Variants in CACNA2D3 observed in about 807,000 individuals in gnomAD.
CACNA2D3 encodes calcium voltage-gated channel auxiliary subunit alpha2delta 3.
Under a neutral mutation model 160.6 loss-of-function variants are expected in CACNA2D3, and 60 were observed. The ratio of observed to expected loss-of-function variants is 0.37; its 90% CI spans 0.30 to 0.46. The LOEUF (loss-of-function observed/expected upper bound fraction) is 0.46. Among genes scored for constraint, CACNA2D3 ranks in the 20% least tolerant of loss-of-function variants. CACNA2D3 has a pLI of 1.00. For missense variants in CACNA2D3, 1,205 were observed against 1,365.0 expected (o/e 0.88, Z 1.85); for synonymous variants, 558 against 492.9 (o/e 1.13, Z -1.75).
At chr3:54,894,932 C>T (rs1700154607) in intron 25 of CACNA2D3, among the ~76,000 whole-genome samples, 3 of 151,492 alleles carry the variant, frequency 2.0e-5, no homozygotes, top group South Asian at 4.2e-4. Context: ...TGCACTTTCT[C>T]AGTCTTGCAC....
intron 35 of CACNA2D3, among the ~76,000 whole-genome samples, chr3:55,043,510 C>G (rs115938683): frequency 8.6e-5 from 13 of 151,724 alleles, no homozygotes; most frequent in African/African-American, 2.4e-4. Context: ...ACTTTGTTTT[C>G]TTTTTATTGA....
At chr3:54,303,891 C>T (rs1264783568) in intron 2 of CACNA2D3, among the ~76,000 whole-genome samples, 1 of 139,294 alleles carries the variant, frequency 7.2e-6, no homozygotes, top group African/African-American at 2.7e-5. Flanking sequence ...GCTGCAAGAA[C>T]CTCTCCATGG....
intron 3 of CACNA2D3, among the ~76,000 whole-genome samples, chr3:54,328,984 G>T (rs1247397494): frequency 3.3e-5 from 5 of 152,166 alleles, no homozygotes; most frequent in Non-Finnish European, 7.4e-5. Context: ...GTGGGAGAAA[G>T]TCAGTAGTTG....
intron 6 of CACNA2D3, among the ~76,000 whole-genome samples, chr3:54,566,381 T>A (rs552817979): frequency 1.3e-5 from 2 of 152,350 alleles, no homozygotes; most frequent in East Asian, 3.9e-4. Context: ...AGGCAGAGGA[T>A]CAAAGGGCTG....
At chr3:54,549,651 C>T (rs1702123769) in intron 5 of CACNA2D3, among the ~76,000 whole-genome samples, 1 of 152,200 alleles carries the variant, frequency 6.6e-6, no homozygotes, top group African/African-American at 2.4e-5. Context: ...CCAGCTGCAG[C>T]CCCCGCCTTT....
intron 4 of CACNA2D3, among the ~76,000 whole-genome samples, chr3:54,415,470 T>G (rs1699740190): frequency 6.6e-6 from 1 of 152,204 alleles, no homozygotes; most frequent in Non-Finnish European, 1.5e-5. Context: ...ATTTTCATAA[T>G]ATACATATCT....
chr3:54,675,227 G>C (rs1400229972), intron 11 of CACNA2D3, among the ~76,000 whole-genome samples: 4 of 152,160 alleles, frequency 2.6e-5, no homozygotes, highest in African/African-American at 9.7e-5. Flanking sequence ...GGAGGAAGCA[G>C]AATTTTCCAA....
intron 33 of CACNA2D3, among the ~76,000 whole-genome samples, chr3:55,008,856 T>C (rs1442970392): frequency 6.9e-6 from 1 of 145,050 alleles, no homozygotes; most frequent in African/African-American, 2.5e-5. Context: ...TGACATAATT[T>C]CATAGAGAGA....
intron 9 of CACNA2D3, among the ~76,000 whole-genome samples, chr3:54,582,391 G>C: frequency 6.6e-6 from 1 of 152,330 alleles, no homozygotes; most frequent in African/African-American, 2.4e-5. Flanking sequence ...AGGACGATAC[G>C]TTAAAGGAGA....
chr3:54,669,749 A>G (rs971753409), intron 11 of CACNA2D3, among the ~76,000 whole-genome samples: 4 of 151,778 alleles, frequency 2.6e-5, no homozygotes, highest in Non-Finnish European at 5.9e-5. Flanking sequence ...AAAAAAAAAA[A>G]CTTTTAATTT....
intron 27 of CACNA2D3, among the ~76,000 whole-genome samples, chr3:54,923,886 C>T (rs957886468): frequency 6.6e-6 from 1 of 152,208 alleles, no homozygotes; most frequent in Non-Finnish European, 1.5e-5. Context: ...GCCCCTGTCA[C>T]AACTACTCTG....
chr3:54,668,592 G>A (rs144341811), intron 11 of CACNA2D3, among the ~76,000 whole-genome samples: 2 of 135,990 alleles, frequency 1.5e-5, no homozygotes, highest in African/African-American at 5.7e-5. Context: ...GGAGTTCTTA[G>A]TCTCTTGAAT....
intron 2 of CACNA2D3, among the ~76,000 whole-genome samples, chr3:54,145,666 A>G (rs955514777): frequency 6.6e-6 from 1 of 152,182 alleles, no homozygotes; most frequent in African/African-American, 2.4e-5. Flanking sequence ...AGCACTGGTC[A>G]TCCTCAGCAC....
Position 54,551,334 on chromosome 3 carries a change from G to C in CACNA2D3, c.545-11466G>C, listed in dbSNP as rs561083130. On this transcript the variant is annotated intron_variant, in intron 5 of 37. Coordinates refer to ENST00000474759, the MANE Select transcript of CACNA2D3 (RefSeq NM_018398.3). ...GTCTCCAAATCCTAGCAGGTGCCTG[G>C]CACACAGTGGGCATTCAGTAAATAT... 2.7e-4 allele frequency among the ~76,000 whole-genome samples: 41 copies of C among 152,286 alleles called. 1 individual carries two copies. Among genetic ancestry groups the C allele is most frequent in the African/African-American group, 9.9e-4 (41 of 41,564 alleles).
intron 27 of CACNA2D3, among the ~76,000 whole-genome samples, chr3:54,914,290 AT>A (rs1340310151): frequency 6.6e-6 from 1 of 152,184 alleles, no homozygotes; most frequent in Non-Finnish European, 1.5e-5. Context: ...AAAAAAAAAA[AT>A]TATGAGGCCT....
At chr3:54,455,281 A>G (rs1700377614) in intron 4 of CACNA2D3, among the ~76,000 whole-genome samples, 1 of 152,064 alleles carries the variant, frequency 6.6e-6, no homozygotes, top group South Asian at 2.1e-4. Context: ...TTTTGATGAT[A>G]ACCATCCTGA....
intron 21 of CACNA2D3, among the ~76,000 whole-genome samples, chr3:54,881,813 C>T (rs1699802948): frequency 6.6e-6 from 1 of 152,192 alleles, no homozygotes; most frequent in Admixed American, 6.5e-5. Flanking sequence ...GGTGAGTTTC[C>T]AGAAGCTGGG....
intron 4 of CACNA2D3, among the ~76,000 whole-genome samples, chr3:54,474,405 G>T (rs1216307276): frequency 6.6e-6 from 1 of 152,032 alleles, no homozygotes; most frequent in Non-Finnish European, 1.5e-5. Flanking sequence ...TCAGGGGGTG[G>T]GGGCCTAGGG....
At chr3:54,817,795 T>C (rs1703490417) in intron 14 of CACNA2D3, among the ~76,000 whole-genome samples, 1 of 152,224 alleles carries the variant, frequency 6.6e-6, no homozygotes, top group African/African-American at 2.4e-5. Flanking sequence ...CATTACACAA[T>C]TACTCAGATA....
Sources: allele counts gnomAD v4.1 joint callset (sites outside exome capture counted in the v4.1 genomes callset), GRCh38; gene constraint gnomAD v4.1.1; transcripts MANE v1.5; gene names NCBI Gene and HGNC (gene_info 2026-07-23, HGNC 2026-07-21).